Variants in IGF1R observed in about 807,000 individuals in gnomAD.
IGF1R encodes insulin-like growth factor 1 receptor.
A neutral mutation model predicts 144.6 loss-of-function variants in IGF1R; 44 were observed. The ratio of observed to expected loss-of-function variants is 0.30; its 90% confidence interval spans 0.24 to 0.39. The LOEUF (loss-of-function observed/expected upper bound fraction) is 0.39, where lower values mean the gene tolerates loss of function less well. IGF1R is among the 10% of genes least tolerant of loss of function. IGF1R has a pLI of 1.00. For synonymous variants in IGF1R, 795 were observed against 722.8 expected (o/e 1.10, Z -1.60); for missense variants, 1,355 against 1,833.7 (o/e 0.74, Z 4.77).
intron 2 of IGF1R, among the ~76,000 whole-genome samples, chr15:98,846,435 T>C (rs542365707): frequency 3.3e-5 from 5 of 152,360 alleles, no homozygotes; most frequent in African/African-American, 1.2e-4. Context: ...GCAAGCTTAA[T>C]AGGTCTTTAC....
At chr15:98,946,191 AGCGGG>A (rs1299702495) in intron 19 of IGF1R, among the ~76,000 whole-genome samples, 7 of 93,938 alleles carry the variant, frequency 7.5e-5, no homozygotes, top group African/African-American at 2.1e-4. Flanking sequence ...AGCACTAGGA[AGCGGG>A]GCGGGGCGGG....
intron 2 of IGF1R, among the ~76,000 whole-genome samples, chr15:98,774,145 A>G (rs2141377603): frequency 6.6e-6 from 1 of 152,292 alleles, no homozygotes; most frequent in Middle Eastern, 3.4e-3. Context: ...GAAGCGGGGG[A>G]CATTCACTGA....
At chr15:98,784,991 CAGAA>C (rs2055956748) in intron 2 of IGF1R, among the ~76,000 whole-genome samples, 1 of 152,080 alleles carries the variant, frequency 6.6e-6, no homozygotes, top group Non-Finnish European at 1.5e-5. Flanking sequence ...TGAATTAAAC[CAGAA>C]AGAATATGAA....
intron 2 of IGF1R, among the ~76,000 whole-genome samples, chr15:98,821,867 A>G (rs7403315): frequency 1.2e-4 from 8 of 65,256 alleles, no homozygotes; most frequent in Middle Eastern, 6.1e-3. Context: ...GTATGTGTGC[A>G]CACACACACA....
At chr15:98,921,675 G>T (rs1305534778) in intron 10 of IGF1R, among the ~76,000 whole-genome samples, 1 of 152,128 alleles carries the variant, frequency 6.6e-6, no homozygotes, top group African/African-American at 2.4e-5. Context: ...AATCCAAGGA[G>T]CCACCACCAC....
chr15:98,782,582 C>G (rs569607537), intron 2 of IGF1R, among the ~76,000 whole-genome samples: 8 of 152,066 alleles, frequency 5.3e-5, no homozygotes, highest in African/African-American at 1.9e-4. Flanking sequence ...TCAGTGCTTG[C>G]GGACCTGCTC....
rs201475313 is a variant in IGF1R, at chr15:98,730,233, A to AT, written c.640+22139dup. Among the ~76,000 whole-genome samples the AT allele has an allele frequency of 4.2e-3, 622 of 147,036 alleles. 6 individuals carry two copies. Among genetic ancestry groups the AT allele is most frequent in the African/African-American group, 0.012 (478 of 40,316 alleles). ...TGATATACTACATCTGTGATTTTCA[A>AT]TTTTTTTTTTTTTAACTAGACCCAC... On this transcript the variant is annotated intron_variant, in intron 2 of 20. Transcript: ENST00000650285.
rs1376961913 is a variant in IGF1R at position 98,891,829 on chromosome 15, G to A, written c.953+192G>A. On this transcript the variant is annotated intron_variant, in intron 3 of 20. Coordinates refer to ENST00000650285, the MANE Select transcript of IGF1R (RefSeq NM_000875.5). This position sits in a 1 kb window ranked among gnomAD's most constrained non-coding sequence, Gnocchi z 4.7. ...CTAGGAACAATTGGCATGGCTTACC[G>A]CCCCCCTCACCAGTTTGTTTTATAT... Among the ~76,000 whole-genome samples the A allele has an allele frequency of 6.6e-6, 1 of 152,140 alleles. No individual in the cohort carries two copies. Among genetic ancestry groups the A allele is most frequent in the African/African-American group, 2.4e-5 (1 of 41,442 alleles).
intron 1 of IGF1R, chr15:98,650,794 C>T: frequency 1.6e-6 from 1 of 630,648 alleles, no homozygotes; most frequent in Non-Finnish European, 2.0e-6. Flanking sequence ...TGCCGCCCCG[C>T]ACTTCCTTTG....
chr15:98,924,760 T>C (rs1027634479), intron 13 of IGF1R, 76 bp downstream of exon 13: 3 of 1,285,922 alleles, frequency 2.3e-6, no homozygotes, highest in Non-Finnish European at 3.4e-6. Context: ...GCCCGAGTGT[T>C]CATGGCTGTC....
chr15:98,709,455 G>T (rs993784475), intron 2 of IGF1R, among the ~76,000 whole-genome samples: 4 of 152,228 alleles, frequency 2.6e-5, no homozygotes, highest in Non-Finnish European at 4.4e-5. Flanking sequence ...ATGCAGTCAG[G>T]CCACTTTAAG....
At chr15:98,882,155 C>T (rs758686655) in intron 2 of IGF1R, among the ~76,000 whole-genome samples, 2 of 152,276 alleles carry the variant, frequency 1.3e-5, no homozygotes, top group South Asian at 2.1e-4. Context: ...AGGTCTAGGG[C>T]GTGTTGCGTG....
chr15:98,889,252 A>G (rs1478557171), intron 2 of IGF1R, among the ~76,000 whole-genome samples: 1 of 152,258 alleles, frequency 6.6e-6, no homozygotes, highest in African/African-American at 2.4e-5. Context: ...CAAGCTTGAC[A>G]GTATCATGAC....
intron 2 of IGF1R, among the ~76,000 whole-genome samples, chr15:98,720,407 T>G (rs1423828375): frequency 2.6e-5 from 4 of 152,212 alleles, no homozygotes; most frequent in African/African-American, 9.6e-5. Flanking sequence ...ATAGATCTGT[T>G]GGCCGTGGCT....
chr15:98,791,285 T>C (rs751964762), intron 2 of IGF1R, among the ~76,000 whole-genome samples: 4 of 152,238 alleles, frequency 2.6e-5, no homozygotes, highest in Non-Finnish European at 2.9e-5. Context: ...ATATTCTGTA[T>C]CTTGAAAAAC....
At chr15:98,895,425 TA>T (rs753155128) in intron 3 of IGF1R, among the ~76,000 whole-genome samples, 36 of 149,052 alleles carry the variant, frequency 2.4e-4, no homozygotes, top group Non-Finnish European at 4.8e-4. Context: ...TTTTTTTTTT[TA>T]AATGGAAAGT....
chr15:98,909,261 C>CTTTTTTTTT (rs752298130), intron 6 of IGF1R, among the ~76,000 whole-genome samples: 15 of 91,736 alleles, frequency 1.6e-4, no homozygotes, highest in East Asian at 6.8e-4. Flanking sequence ...CTTTTTTTTT[C>CTTTTTTTTT]TTTTTTTTTT....
At chr15:98,711,895 G>GA (rs1197248868) in intron 2 of IGF1R, among the ~76,000 whole-genome samples, 1 of 152,192 alleles carries the variant, frequency 6.6e-6, no homozygotes, top group African/African-American at 2.4e-5. Flanking sequence ...ACTGTCTGGG[G>GA]AGGGCCCACA....
intron 2 of IGF1R, among the ~76,000 whole-genome samples, chr15:98,874,552 G>T (rs2012955813): frequency 6.6e-6 from 1 of 152,212 alleles, no homozygotes; most frequent in Non-Finnish European, 1.5e-5. Context: ...TGTGACAAGA[G>T]CCGTGGGCTC....
Sources: allele counts gnomAD v4.1 joint callset (sites outside exome capture counted in the v4.1 genomes callset), GRCh38; gene constraint gnomAD v4.1.1; non-coding constraint Gnocchi (gnomAD v3.1); transcripts MANE v1.5; gene names NCBI Gene and HGNC (gene_info 2026-07-23, HGNC 2026-07-21).